SPOPL: variants seen among roughly 807,000 people sequenced by gnomAD.
SPOPL encodes the protein speckle type BTB/POZ protein like.
In SPOPL, 23 loss-of-function variants were observed where a neutral mutation model predicts 53.8. The ratio of observed to expected loss-of-function variants is 0.43; its 90% CI spans 0.31 to 0.61. SPOPL has a LOEUF of 0.61. Among genes scored for constraint, SPOPL ranks in the 20% least tolerant of loss-of-function variants. SPOPL has a pLI of 0.12. For synonymous variants in SPOPL, 164 were observed against 149.7 expected (o/e 1.10, Z -0.70); for missense variants, 442 against 466.9 (o/e 0.95, Z 0.49).
chr2:138,552,963 T>A (rs548577486), intron 5 of SPOPL, among the ~76,000 whole-genome samples: 1 of 152,088 alleles, frequency 6.6e-6, no homozygotes, highest in Non-Finnish European at 1.5e-5. Flanking sequence ...AATGTGAATA[T>A]GTGAACATTC....
At chr2:138,531,770 A>G (rs1014916825) in intron 1 of SPOPL, among the ~76,000 whole-genome samples, 3 of 145,384 alleles carry the variant, frequency 2.1e-5, no homozygotes, top group African/African-American at 7.3e-5. Flanking sequence ...ATTATTGGTA[A>G]AACTCTGTTG....
At chr2:138,545,664 C>A (rs1354282729) in intron 1 of SPOPL, among the ~76,000 whole-genome samples, 1 of 151,894 alleles carries the variant, frequency 6.6e-6, no homozygotes, top group Admixed American at 6.6e-5. Context: ...TGGTCTCGAT[C>A]TTCTGACCTC....
chr2:138,536,470 C>A (rs1684939362), intron 1 of SPOPL, among the ~76,000 whole-genome samples: 1 of 152,174 alleles, frequency 6.6e-6, no homozygotes, highest in South Asian at 2.1e-4. Context: ...TGCCTGACTA[C>A]TCACATCTGT....
chr2:138,529,995 CCT>C (rs1684772041), intron 1 of SPOPL, among the ~76,000 whole-genome samples: 1 of 152,048 alleles, frequency 6.6e-6, no homozygotes, highest in East Asian at 1.9e-4. Context: ...CTAATAGGCC[CCT>C]GTGTATGTTG....
At chr2:138,541,537 G>A (rs937680497) in intron 1 of SPOPL, among the ~76,000 whole-genome samples, 4 of 152,152 alleles carry the variant, frequency 2.6e-5, no homozygotes, top group African/African-American at 7.2e-5. Context: ...GCATAGAGGT[G>A]TTTATAGTCT....
Position 138,552,630 on chromosome 2 carries a change from T to C in SPOPL, c.429T>C (p.Leu143=). 1 of 1,613,232 alleles carries C rather than the reference T, an allele frequency of 6.2e-7. No individual in the cohort carries two copies. Among genetic ancestry groups the C allele is most frequent in the Non-Finnish European group, 8.5e-7 (1 of 1,179,372 alleles). The part of the protein sequence containing the change: ...FKKFIRRDFL[L]DEANGLLPDD... The stretch of plus-strand genomic sequence containing the variant: ...AATTCATTAGAAGGGACTTTTTGCT[T>C]GATGAAGCTAATGGTCTTTTACCAG... The change falls in exon 5 of 11, where the codon CTT becomes CTC. Residue 143 remains leucine (L), a synonymous_variant. Transcript: ENST00000280098.
rs190306083 is a variant in SPOPL at position 138,571,924 on chromosome 2, A to G, written c.*2844A>G. On this transcript the variant is annotated 3_prime_UTR_variant, in exon 11 of 11. Transcript: ENST00000280098. ...GAAGGTGCCATAATATGGCTTGCCAATGTTACCTCCTTGAATAGTCATGTG... is the reference window on the plus strand; with the variant it reads ...GAAGGTGCCATAATATGGCTTGCCAGTGTTACCTCCTTGAATAGTCATGTG... The G allele has an allele frequency of 5.2e-5, 8 of 152,722 alleles. No homozygotes were observed. Among genetic ancestry groups the G allele is most frequent in the Admixed American group, 2.0e-4 (3 of 15,286 alleles). 9.5% of individuals were successfully genotyped at this position (152,722 alleles called of 1,614,324 possible).
In SPOPL at chr2:138,569,920, C is replaced by G. The variant is rs186193599; in HGVS notation, c.*840C>G. 1.3e-5 allele frequency: 2 copies of G among 152,526 alleles called. No individual in the cohort carries two copies. Among genetic ancestry groups the G allele is most frequent in the Non-Finnish European group, 2.9e-5 (2 of 67,974 alleles). 9.4% of individuals were successfully genotyped at this position (152,526 alleles called of 1,614,324 possible). Reference sequence around the variant, plus strand: ...GGGCCAATTAAGAAAGATACATATGCACTTTTACTGTGTAACTTTTGTATG... The same window carrying G: ...GGGCCAATTAAGAAAGATACATATGGACTTTTACTGTGTAACTTTTGTATG... On this transcript the variant is annotated 3_prime_UTR_variant, in exon 11 of 11. Coordinates refer to ENST00000280098, the MANE Select transcript of SPOPL (RefSeq NM_001001664.3).
chr2:138,536,614 G>C (rs182687569), intron 1 of SPOPL, among the ~76,000 whole-genome samples: 3 of 152,084 alleles, frequency 2.0e-5, no homozygotes, highest in Non-Finnish European at 4.4e-5. Flanking sequence ...AATTTCTTCC[G>C]AATCCAGGTG....
chr2:138,520,285 C>G (rs1006007043), intron 1 of SPOPL, among the ~76,000 whole-genome samples: 6 of 152,142 alleles, frequency 3.9e-5, no homozygotes, highest in Non-Finnish European at 7.4e-5. Flanking sequence ...ACTTTGTAGG[C>G]CAGTGCTCAA....
intron 1 of SPOPL, among the ~76,000 whole-genome samples, chr2:138,540,501 T>A (rs545711983): frequency 6.6e-6 from 1 of 152,218 alleles, no homozygotes; most frequent in Admixed American, 6.5e-5. Flanking sequence ...TTATTCTCTT[T>A]GAAGCAATTA....
chr2:138,552,402 T>C (rs1024198518), intron 4 of SPOPL, 152 bp from the exon 5 acceptor site: 36 of 986,524 alleles, frequency 3.6e-5, no homozygotes, highest in South Asian at 8.4e-5. Context: ...AAAACTCTTA[T>C]GACATTTGAT....
chr2:138,518,123 C>T (rs946378967), intron 1 of SPOPL, among the ~76,000 whole-genome samples: 19 of 146,032 alleles, frequency 1.3e-4, no homozygotes, highest in African/African-American at 4.6e-4. Context: ...ATAATGAAGG[C>T]AAATGACTCT....
At chr2:138,550,082 G>A (rs1685280956) in intron 1 of SPOPL, 75 bp from the exon 2 acceptor site, 3 of 668,326 alleles carry the variant, frequency 4.5e-6, no homozygotes, top group Non-Finnish European at 7.8e-6. Context: ...TTTCATGTCT[G>A]TTTAAATATG....
chr2:138,535,555 C>CTTTTTTTTTTTTTTTTTTTTTTT (rs539254466), intron 1 of SPOPL, among the ~76,000 whole-genome samples: 1 of 86,952 alleles, frequency 1.2e-5, no homozygotes. Flanking sequence ...ATTCTAGTAG[C>CTTTTTTTTTTTTTTTTTTTTTTT]TTTTTTTTTT....
At chr2:138,565,106 A>T in intron 10 of SPOPL, 113 bp downstream of exon 10, 1 of 1,312,138 alleles carries the variant, frequency 7.6e-7, no homozygotes, top group Non-Finnish European at 1.1e-6. Context: ...ACATGAAGCA[A>T]ACTGCCAGTT....
intron 1 of SPOPL, among the ~76,000 whole-genome samples, chr2:138,533,341 ATT>A (rs1435515344): frequency 1.3e-5 from 2 of 152,066 alleles, no homozygotes; most frequent in African/African-American, 2.4e-5. Flanking sequence ...TCTTCAGGAC[ATT>A]TTCTGTGTCC....
intron 1 of SPOPL, among the ~76,000 whole-genome samples, chr2:138,508,180 ACC>A (rs1166969905): frequency 1.2e-4 from 19 of 152,172 alleles, no homozygotes; most frequent in African/African-American, 4.6e-4. Flanking sequence ...TTTCTCTTGG[ACC>A]ATGGGTAGAA....
At chr2:138,532,608 T>G (rs1286621866) in intron 1 of SPOPL, among the ~76,000 whole-genome samples, 1 of 146,446 alleles carries the variant, frequency 6.8e-6, no homozygotes, top group African/African-American at 2.5e-5. Context: ...TTTTTTTTTT[T>G]TTTTTTTGTA....
Sources: gnomAD v4.1 joint callset for allele counts (sites outside exome capture counted in the v4.1 genomes callset) on GRCh38, gnomAD v4.1.1 for gene constraint, MANE v1.5 for transcripts, NCBI Gene and HGNC (gene_info 2026-07-23, HGNC 2026-07-21) for gene names.